FIRRM: variants seen among roughly 807,000 people sequenced by gnomAD.
FIRRM encodes FIGNL1 interacting regulator of recombination and mitosis.
At chr1:169,817,948 C>T in the FIRRM span, among the ~76,000 whole-genome samples, 9 of 94,092 alleles carry the variant, frequency 9.6e-5, no homozygotes, top group Non-Finnish European at 1.7e-4. Context: ...TATGTTCACA[C>T]AGATTTTTTT....
At chr1:169,785,472 G>GGCTCTC in the FIRRM span, among the ~76,000 whole-genome samples, 1 of 152,208 alleles carries the variant, frequency 6.6e-6, no homozygotes, top group Non-Finnish European at 1.5e-5. Context: ...TGGTGGAGGT[G>GGCTCTC]GCTCTCAGTG....
the FIRRM span, chr1:169,799,045 T>C: frequency 4.2e-6 from 2 of 477,230 alleles, no homozygotes; most frequent in African/African-American, 4.0e-5. Context: ...TCTTACAGTT[T>C]TGTATTCCCT....
At chr1:169,850,123 C>A in the FIRRM span, 1 of 606,458 alleles carries the variant, frequency 1.6e-6, no homozygotes. Flanking sequence ...CTGAAGGAAT[C>A]ATGAGTTTAT....
At chr1:169,811,889 A>G in the FIRRM span, among the ~76,000 whole-genome samples, 1 of 147,986 alleles carries the variant, frequency 6.8e-6, no homozygotes, top group African/African-American at 2.5e-5. Flanking sequence ...AGATAGATAG[A>G]TAGAGCTTGG....
At chr1:169,853,918 AACAG>A in the FIRRM span, 1 of 867,670 alleles carries the variant, frequency 1.2e-6, no homozygotes. Context: ...TTAGAGCTCT[AACAG>A]AAAGTTGAAA....
chr1:169,828,194 C>T, the FIRRM span, among the ~76,000 whole-genome samples: 2 of 152,072 alleles, frequency 1.3e-5, no homozygotes, highest in Non-Finnish European at 2.9e-5. Context: ...CAAATTTAAC[C>T]TTTAATCATC....
the FIRRM span, chr1:169,804,468 C>G: frequency 2.2e-5 from 6 of 277,422 alleles, no homozygotes; most frequent in African/African-American, 1.3e-4. Flanking sequence ...CAATGATTAA[C>G]TTATATAACT....
At chr1:169,802,567 G>C in the FIRRM span, 7 of 1,260,334 alleles carry the variant, frequency 5.6e-6, no homozygotes, top group Non-Finnish European at 8.0e-6. Flanking sequence ...GTTTTGTCTT[G>C]TCTTTTCTAG....
the FIRRM span, among the ~76,000 whole-genome samples, chr1:169,801,603 AAAAAAAAAAAAAAAG>A: frequency 6.7e-6 from 1 of 148,534 alleles, no homozygotes; most frequent in Non-Finnish European, 1.5e-5. Context: ...AATTCAAAAA[AAAAAAAAAAAAAAAG>A]AAAAGCTGGA....
the FIRRM span, among the ~76,000 whole-genome samples, chr1:169,787,109 G>A: frequency 6.6e-6 from 1 of 152,150 alleles, no homozygotes; most frequent in African/African-American, 2.4e-5. Flanking sequence ...CTTGAATGGG[G>A]CGATAGGGAC....
At chr1:169,848,374 G>A in the FIRRM span, among the ~76,000 whole-genome samples, 3 of 151,988 alleles carry the variant, frequency 2.0e-5, no homozygotes, top group South Asian at 2.1e-4. Flanking sequence ...TGAGAATTAC[G>A]CCTTCCTTAT....
At chr1:169,785,412 G>GA in the FIRRM span, among the ~76,000 whole-genome samples, 17 of 152,228 alleles carry the variant, frequency 1.1e-4, no homozygotes, top group Non-Finnish European at 2.1e-4. Flanking sequence ...CATCCAGGAA[G>GA]AATCAGGTTA....
At chr1:169,832,842 A>T in the FIRRM span, among the ~76,000 whole-genome samples, 23 of 152,092 alleles carry the variant, frequency 1.5e-4, no homozygotes, top group Non-Finnish European at 5.9e-5. Flanking sequence ...TCCTGGGCTC[A>T]AGTGATCCAT....
the FIRRM span, chr1:169,807,891 T>C: frequency 6.2e-7 from 1 of 1,609,906 alleles, no homozygotes; most frequent in Non-Finnish European, 8.5e-7. Context: ...CCATTCTTGT[T>C]TACAGTTAGC....
chr1:169,811,112 G>T, the FIRRM span, among the ~76,000 whole-genome samples: 9 of 150,122 alleles, frequency 6.0e-5, no homozygotes, highest in East Asian at 1.6e-3. Context: ...CACCCGCCTC[G>T]GCCTCCCAAA....
the FIRRM span, among the ~76,000 whole-genome samples, chr1:169,806,414 TTAGA>T: frequency 6.6e-6 from 1 of 152,230 alleles, no homozygotes; most frequent in Non-Finnish European, 1.5e-5. Flanking sequence ...ATTTCTAGGA[TTAGA>T]TAAATTGATA....
At chr1:169,803,418 T>A in the FIRRM span, 1 of 1,080,776 alleles carries the variant, frequency 9.3e-7, no homozygotes, top group Non-Finnish European at 1.2e-6. Context: ...ATTATTGAAA[T>A]AAACTTTTCC....
At chr1:169,802,557 G>A in the FIRRM span, 1 of 1,133,874 alleles carries the variant, frequency 8.8e-7, no homozygotes, top group Non-Finnish European at 1.3e-6. Context: ...TCTCTGTAAA[G>A]TTTTGTCTTG....
the FIRRM span, among the ~76,000 whole-genome samples, chr1:169,819,322 G>A: frequency 2.0e-5 from 3 of 152,294 alleles, no homozygotes; most frequent in Non-Finnish European, 2.9e-5. Context: ...CTTCTAAGTG[G>A]CCAAGAGCAT....
Sources: allele counts gnomAD v4.1 joint callset (sites outside exome capture counted in the v4.1 genomes callset), GRCh38; gene constraint gnomAD v4.1.1; transcripts MANE v1.5; gene names NCBI Gene and HGNC (gene_info 2026-07-23, HGNC 2026-07-21).